The following MYT1L variants were observed in gnomAD, a reference collection of about 807,000 sequenced individuals.
MYT1L encodes the protein myelin transcription factor 1-like protein.
In MYT1L, 12 loss-of-function variants were observed where a neutral mutation model predicts 126.7. That is an observed-to-expected ratio of 0.09 (90% confidence interval 0.06 to 0.15). MYT1L has a LOEUF of 0.15. Ranked by LOEUF, MYT1L falls within the 10% of genes least tolerant of loss-of-function variation. MYT1L has a pLI of 1.00. For missense variants in MYT1L, 979 were observed against 1,585.2 expected (o/e 0.62, Z 6.49); for synonymous variants, 541 against 604.2 (o/e 0.90, Z 1.53).
At chr2:2,027,660 G>T (rs2065786612) in intron 4 of MYT1L, among the ~76,000 whole-genome samples, 1 of 152,188 alleles carries the variant, frequency 6.6e-6, no homozygotes, top group Non-Finnish European at 1.5e-5. Flanking sequence ...CCCACTAAAA[G>T]GCTGGTTAGA....
intron 16 of MYT1L, among the ~76,000 whole-genome samples, chr2:1,888,877 A>G (rs559467460): frequency 6.6e-6 from 1 of 152,214 alleles, no homozygotes; most frequent in Non-Finnish European, 1.5e-5. Context: ...TTAACTATCT[A>G]AGACTCCTAT....
intron 9 of MYT1L, among the ~76,000 whole-genome samples, chr2:1,933,356 A>G (rs952479188): frequency 6.6e-6 from 1 of 152,180 alleles, no homozygotes; most frequent in Non-Finnish European, 1.5e-5. Flanking sequence ...CCCAAAATGG[A>G]AGAAATACCA....
At chr2:2,261,148 T>C (rs993440446) in intron 2 of MYT1L, among the ~76,000 whole-genome samples, 1 of 151,000 alleles carries the variant, frequency 6.6e-6, no homozygotes, top group African/African-American at 2.5e-5. Flanking sequence ...AGTGCGTGTG[T>C]GTGTGTGTGT....
chr2:2,161,869 G>A (rs1471571368), intron 3 of MYT1L, among the ~76,000 whole-genome samples: 2 of 152,136 alleles, frequency 1.3e-5, no homozygotes, highest in Non-Finnish European at 2.9e-5. Flanking sequence ...CTTAGGACTC[G>A]AATGGAGCTC....
chr2:2,276,905 C>G (rs1039748161), intron 2 of MYT1L, among the ~76,000 whole-genome samples: 8 of 152,192 alleles, frequency 5.3e-5, no homozygotes, highest in Non-Finnish European at 1.2e-4. Flanking sequence ...GCCCATGGTG[C>G]TTGACCACGG....
In MYT1L at chr2:1,874,062, G is replaced by A. The variant is rs376111945; in HGVS notation, c.2711+12477C>T. Among the ~76,000 whole-genome samples, 32 of 152,130 alleles carry A rather than the reference G, an allele frequency of 2.1e-4. No individual in the cohort carries two copies. In the East Asian group the frequency reaches 6.2e-3, roughly 30 times the overall value. ...GGGAAGGACAGGGAGAGGGCAAGGA[G>A]AGGGCAGCCAGGACACAGATCCAGG... On this transcript the variant is annotated intron_variant, in intron 18 of 24. Coordinates refer to ENST00000647738, the MANE Select transcript of MYT1L (RefSeq NM_001303052.2).
At chr2:2,223,579 G>T (rs1330828637) in intron 2 of MYT1L, among the ~76,000 whole-genome samples, 1 of 152,162 alleles carries the variant, frequency 6.6e-6, no homozygotes, top group Non-Finnish European at 1.5e-5. Context: ...TTGTCACATT[G>T]CAGGGAAATT....
At chr2:1,980,324 A>C (rs1381908250) in intron 5 of MYT1L, among the ~76,000 whole-genome samples, 1 of 148,208 alleles carries the variant, frequency 6.7e-6, no homozygotes, top group Non-Finnish European at 1.5e-5. Flanking sequence ...ATCTATATAT[A>C]CACACACACA....
At chr2:2,266,695 A>G (rs2149317186) in intron 2 of MYT1L, among the ~76,000 whole-genome samples, 1 of 152,228 alleles carries the variant, frequency 6.6e-6, no homozygotes, top group African/African-American at 2.4e-5. Context: ...TAACTCCCAC[A>G]TGTTGTGGGA....
intron 19 of MYT1L, 64 bp downstream of exon 19, chr2:1,851,577 G>T: frequency 6.7e-7 from 1 of 1,496,314 alleles, no homozygotes; most frequent in Non-Finnish European, 9.3e-7. Context: ...CCTGACGTGA[G>T]TGATATTCCT....
At chr2:1,936,331 T>G (rs887265270) in intron 9 of MYT1L, among the ~76,000 whole-genome samples, 5 of 152,266 alleles carry the variant, frequency 3.3e-5, no homozygotes, top group Admixed American at 6.5e-5. Context: ...ATTTCTATAA[T>G]TTAGCACAGT....
chr2:2,048,466 C>G (rs545911168), intron 4 of MYT1L, among the ~76,000 whole-genome samples: 1 of 152,124 alleles, frequency 6.6e-6, no homozygotes, highest in Non-Finnish European at 1.5e-5. Context: ...CTTCCATGGA[C>G]CTGTGGGGCA....
chr2:1,902,242 T>A (rs2050442976), intron 14 of MYT1L, among the ~76,000 whole-genome samples: 1 of 152,194 alleles, frequency 6.6e-6, no homozygotes, highest in Non-Finnish European at 1.5e-5. Context: ...ATACTCTAGG[T>A]AGTGGTTCAA....
intron 4 of MYT1L, among the ~76,000 whole-genome samples, chr2:2,039,238 T>C (rs1262024916): frequency 6.6e-6 from 1 of 152,150 alleles, no homozygotes; most frequent in Non-Finnish European, 1.5e-5. Context: ...ATGACTATTT[T>C]ATAAACATTC....
At chr2:1,834,853 G>A (rs1176817842) in intron 21 of MYT1L, among the ~76,000 whole-genome samples, 1 of 151,232 alleles carries the variant, frequency 6.6e-6, no homozygotes, top group Non-Finnish European at 1.5e-5. Flanking sequence ...CACATACCAC[G>A]GAGATGGATA....
At chr2:2,030,272 T>C (rs1455538557) in intron 4 of MYT1L, among the ~76,000 whole-genome samples, 3 of 152,100 alleles carry the variant, frequency 2.0e-5, no homozygotes, top group Non-Finnish European at 4.4e-5. Flanking sequence ...TAATTTTTTG[T>C]ATTTTTAATA....
At chr2:2,101,358 A>C (rs2150478638) in intron 3 of MYT1L, among the ~76,000 whole-genome samples, 1 of 152,258 alleles carries the variant, frequency 6.6e-6, no homozygotes, top group East Asian at 1.9e-4. Context: ...TGGCTGCTTA[A>C]CCCTTTGGAA....
chr2:2,266,748 C>T (rs1301288661), intron 2 of MYT1L, among the ~76,000 whole-genome samples: 2 of 152,032 alleles, frequency 1.3e-5, no homozygotes, highest in Non-Finnish European at 2.9e-5. Context: ...GCAGTTTCCC[C>T]CATACTGTTC....
At position 1,912,569 on chromosome 2, in the gene MYT1L, C is replaced by A. The variant is rs1013955623; in HGVS notation, c.1619-459G>T. Among the ~76,000 whole-genome samples, 9 of 152,180 alleles carry A rather than the reference C, an allele frequency of 5.9e-5. No individual in the cohort carries two copies. The highest frequency in any genetic ancestry group is 2.2e-4 in the African/African-American group (9 of 41,424). ...TGGGGATTTTAAAAACATGCCTGTG[C>A]TTTGGAAACACACAGCATTATGAAC... On this transcript the variant is annotated intron_variant, in intron 11 of 24. Transcript: ENST00000647738. This position sits in a 1 kb window ranked among gnomAD's most constrained non-coding sequence, Gnocchi z 4.3.
Sources: allele counts gnomAD v4.1 joint callset (sites outside exome capture counted in the v4.1 genomes callset), GRCh38; gene constraint gnomAD v4.1.1; non-coding constraint Gnocchi (gnomAD v3.1); transcripts MANE v1.5; gene names NCBI Gene and HGNC (gene_info 2026-07-23, HGNC 2026-07-21).